Variants in CCDC57 observed in about 807,000 individuals in gnomAD.
The protein encoded by CCDC57 is coiled-coil domain-containing protein 57.
CCDC57 carries 118 observed loss-of-function variants against 118.9 expected under a neutral mutation model. The observed-to-expected ratio is 0.99, with a 90% CI of 0.86 to 1.16. CCDC57 has a LOEUF of 1.16. Among genes scored for constraint, CCDC57 ranks in the 50% most tolerant of loss-of-function variants. CCDC57 has a pLI of 0.00. For missense variants in CCDC57, 1,300 were observed against 1,320.7 expected (o/e 0.98, Z 0.24); for synonymous variants, 527 against 532.9 (o/e 0.99, Z 0.15).
At chr17:82,106,659 T>C (rs1182156465) in intron 19 of CCDC57, 2 of 152,318 alleles carry the variant, frequency 1.3e-5, no homozygotes, top group Non-Finnish European at 2.9e-5. Context: ...TTCGGAGGCA[T>C]GGGAACTGTT....
chr17:82,114,543 A>G (rs2035604014), intron 19 of CCDC57, among the ~76,000 whole-genome samples: 1 of 152,074 alleles, frequency 6.6e-6, no homozygotes, highest in South Asian at 2.1e-4. Flanking sequence ...GGAGGGAGGG[A>G]GTGTGTCCTC....
chr17:82,145,835 G>A (rs545193407), intron 16 of CCDC57: 1 of 463,600 alleles, frequency 2.2e-6, no homozygotes, highest in East Asian at 7.6e-5. Flanking sequence ...ATCTCAGAGG[G>A]GGCCCACCAT....
At chr17:82,211,798 T>A (rs1488601225) in intron 1 of CCDC57, among the ~76,000 whole-genome samples, 4 of 152,182 alleles carry the variant, frequency 2.6e-5, no homozygotes, top group Admixed American at 2.6e-4. Flanking sequence ...GGAATGCGCT[T>A]ACTGATAAAA....
intron 7 of CCDC57, among the ~76,000 whole-genome samples, chr17:82,193,529 A>C (rs112637303): frequency 3.7e-4 from 56 of 151,834 alleles, no homozygotes; most frequent in African/African-American, 1.2e-3. Context: ...CTGGGCACAG[A>C]GCAAGACCCT....
intron 2 of CCDC57, among the ~76,000 whole-genome samples, chr17:82,202,624 C>T (rs570633455): frequency 2.6e-5 from 4 of 152,032 alleles, no homozygotes; most frequent in Admixed American, 2.6e-4. Context: ...GTGGCGCATG[C>T]CTGTGATCTC....
At chr17:82,184,188 C>A (rs2046655168) in intron 8 of CCDC57, among the ~76,000 whole-genome samples, 1 of 151,782 alleles carries the variant, frequency 6.6e-6, no homozygotes, top group Non-Finnish European at 1.5e-5. Context: ...TGCATCCCAC[C>A]AACCCAGATT....
rs543605323 is a variant in CCDC57, at chr17:82,144,461, G to A, written c.2455+7099C>T. Among the ~76,000 whole-genome samples the A allele has an allele frequency of 3.9e-5, 6 of 152,328 alleles. No individual in the cohort carries two copies. The South Asian group carries it at 1.0e-3, about 26-fold the overall frequency. ...GACAAAGCAAAGGGCAGAGATCCCT[G>A]AATAAAAGTCCATTTCCCTTTTCTC... On this transcript the variant is annotated intron_variant, in intron 16 of 19. Coordinates refer to ENST00000665763, the Ensembl canonical transcript of CCDC57.
intron 14 of CCDC57, 107 bp from the exon 14 acceptor site, chr17:82,158,055 G>A (rs2042887385): frequency 6.9e-7 from 1 of 1,456,610 alleles, no homozygotes; most frequent in African/African-American, 1.4e-5. Context: ...AGAACGGGGA[G>A]CCCGGGGTCA....
chr17:82,188,347 C>G, exon 8 of CCDC57: 2 of 1,610,534 alleles, frequency 1.2e-6, no homozygotes. Flanking sequence ...CCTGCAGCTG[C>G]TCCACGTGGG....
intron 8 of CCDC57, among the ~76,000 whole-genome samples, chr17:82,184,312 C>T (rs1428683985): frequency 6.6e-6 from 1 of 151,972 alleles, no homozygotes; most frequent in Non-Finnish European, 1.5e-5. Flanking sequence ...GTAGCAACAC[C>T]TCTGACCAAG....
At position 82,164,073 on chromosome 17, in the gene CCDC57, G is replaced by A. The variant is rs140432116; in HGVS notation, c.1883-716C>T. Among the ~76,000 whole-genome samples the A allele has an allele frequency of 4.7e-3, 717 of 151,932 alleles. 2 individuals carry two copies. The highest frequency in any genetic ancestry group is 0.01 in the Middle Eastern group (3 of 294). On this transcript the variant is annotated intron_variant, in intron 13 of 19. Coordinates refer to ENST00000665763, the Ensembl canonical transcript of CCDC57. ...ACAGAAAAATAAATTTAAAAAGAAT[G>A]ACCAAATTAAAGCCAAATAGGGCCA...
chr17:82,113,543 A>AG (rs1192096330), intron 19 of CCDC57: 4 of 717,454 alleles, frequency 5.6e-6, no homozygotes, highest in Non-Finnish European at 1.0e-5. Context: ...GTTTTTGCAC[A>AG]CTGAGGAGCT....
chr17:82,186,840 G>C (rs1035496044), intron 8 of CCDC57, among the ~76,000 whole-genome samples: 2 of 152,112 alleles, frequency 1.3e-5, no homozygotes, highest in South Asian at 4.1e-4. Flanking sequence ...TACTGCGGAG[G>C]CTGAGGCGGG....
At chr17:82,183,062 A>G (rs1174233309) in intron 9 of CCDC57, among the ~76,000 whole-genome samples, 2 of 152,212 alleles carry the variant, frequency 1.3e-5, no homozygotes, top group Non-Finnish European at 2.9e-5. Context: ...CCATGAGCCA[A>G]TCACCTCCCA....
intron 17 of CCDC57, among the ~76,000 whole-genome samples, chr17:82,132,051 G>A (rs961926031): frequency 6.6e-6 from 1 of 150,724 alleles, no homozygotes; most frequent in African/African-American, 2.4e-5. Flanking sequence ...TCGGGAGGCG[G>A]AGGTTGCAGT....
At chr17:82,111,747 C>T (rs2035269791) in intron 19 of CCDC57, among the ~76,000 whole-genome samples, 4 of 151,258 alleles carry the variant, frequency 2.6e-5, no homozygotes, top group African/African-American at 7.3e-5. Flanking sequence ...GTTGAAATTA[C>T]AGGCACCTGC....
At chr17:82,191,893 C>G (rs935458190) in intron 7 of CCDC57, among the ~76,000 whole-genome samples, 2 of 151,924 alleles carry the variant, frequency 1.3e-5, no homozygotes, top group Non-Finnish European at 2.9e-5. Flanking sequence ...GTCTTGAACT[C>G]CAGAGCTGAA....
At chr17:82,163,514 C>T (rs2043599555) in intron 13 of CCDC57, 157 bp from the exon 13 acceptor site, 1 of 734,580 alleles carries the variant, frequency 1.4e-6, no homozygotes, top group Non-Finnish European at 2.2e-6. Context: ...GTCAGCAGAT[C>T]TGGTCCACGT....
intron 19 of CCDC57, among the ~76,000 whole-genome samples, chr17:82,124,810 G>GA (rs1006355466): frequency 3.9e-4 from 56 of 142,788 alleles, no homozygotes; most frequent in African/African-American, 1.4e-3. Context: ...AAGAGAAAAA[G>GA]AAAAAAAAAA....
Sources: allele counts gnomAD v4.1 joint callset (sites outside exome capture counted in the v4.1 genomes callset), GRCh38; gene constraint gnomAD v4.1.1; transcripts MANE v1.5; gene names NCBI Gene and HGNC (gene_info 2026-07-23, HGNC 2026-07-21).